Variants in ABCC8 observed in about 807,000 individuals in gnomAD.
ABCC8 encodes the protein ATP binding cassette subfamily C member 8, also known as ATP-binding cassette sub-family C member 8.
In ABCC8, 137 loss-of-function variants were observed where a neutral mutation model predicts 188.0. The ratio of observed to expected loss-of-function variants is 0.73; its 90% confidence interval spans 0.63 to 0.84. The LOEUF (loss-of-function observed/expected upper bound fraction) is 0.84, where lower values mean the gene tolerates loss of function less well. Ranked by LOEUF, ABCC8 falls within the 40% of genes least tolerant of loss-of-function variation. The pLI is 0.00. For synonymous variants in ABCC8, 797 were observed against 846.5 expected (o/e 0.94, Z 1.01); for missense variants, 1,750 against 2,072.7 (o/e 0.84, Z 3.02).
intron 22 of ABCC8, among the ~76,000 whole-genome samples, chr11:17,409,111 C>A (rs1954683807): frequency 1.5e-5 from 2 of 133,430 alleles, no homozygotes; most frequent in South Asian, 4.9e-4. Flanking sequence ...CGCCACCATA[C>A]CTGGCTAATT....
chr11:17,429,644 T>C (rs1483420532), intron 12 of ABCC8: 2 of 152,210 alleles, frequency 1.3e-5, no homozygotes, highest in East Asian at 3.9e-4. Flanking sequence ...TATGAACGCT[T>C]TGGGATCAGT....
chr11:17,475,319 G>A (rs1406001800), intron 1 of ABCC8, among the ~76,000 whole-genome samples: 1 of 152,198 alleles, frequency 6.6e-6, no homozygotes, highest in African/African-American at 2.4e-5. Flanking sequence ...CTAGGCTCAA[G>A]TGATCCTCCC....
In ABCC8 at chr11:17,404,753, C is replaced by G. The variant is rs541153357; in HGVS notation, c.3400-84G>C. On this transcript the variant is annotated intron_variant, in intron 27 of 38. Coordinates refer to ENST00000389817, the MANE Select transcript of ABCC8 (RefSeq NM_000352.6). The surrounding 1 kb of genome is among the most constrained non-coding windows in gnomAD (Gnocchi z 4.7). ...GCTACTGGCCGCCATGTTTTGCTCT[C>G]ACTTTATTTTTTGATCCTTTATTTT... 45 of 1,533,492 alleles carry G rather than the reference C, an allele frequency of 2.9e-5. 1 individual carries two copies. The South Asian group carries it at 5.3e-4, about 18-fold the overall frequency. 95.0% of individuals were successfully genotyped at this position (1,533,492 alleles called of 1,614,324 possible).
chr11:17,394,359 T>G lies in ABCC8; in HGVS notation c.4452A>C (p.Gly1484=). The part of the protein sequence containing the change: ...ITEGGENFSQ[G]QRQLFCLARA... The stretch of plus-strand genomic sequence containing the variant: ...GGGCCAGGCAGAACAGCTGCCTCTG[T>G]CCCTGGCTGAAATTCTCCCCGCCTT... The change falls in exon 37 of 39, where the codon GGA becomes GGC. Residue 1484 remains glycine (G), a synonymous_variant. Transcript: ENST00000389817. The G allele has an allele frequency of 6.2e-7, 1 of 1,614,202 alleles. No individual in the cohort carries two copies. Among genetic ancestry groups the G allele is most frequent in the Non-Finnish European group, 8.5e-7 (1 of 1,180,046 alleles).
chr11:17,472,990 T>G (rs1424814728), intron 2 of ABCC8, among the ~76,000 whole-genome samples: 1 of 152,222 alleles, frequency 6.6e-6, no homozygotes, highest in Non-Finnish European at 1.5e-5. Context: ...AACTCTTGCC[T>G]CTTTACTCCT....
intron 2 of ABCC8, among the ~76,000 whole-genome samples, chr11:17,472,319 A>G (rs1274741978): frequency 6.6e-6 from 1 of 152,234 alleles, no homozygotes; most frequent in Non-Finnish European, 1.5e-5. Flanking sequence ...AAAATATTGT[A>G]GTTATTAAAA....
intron 33 of ABCC8, 58 bp from the exon 34 acceptor site, chr11:17,395,988 C>A: frequency 6.4e-7 from 1 of 1,550,450 alleles, no homozygotes; most frequent in South Asian, 1.2e-5. Context: ...GGAATAGCCT[C>A]TATGCTAGCT....
intron 22 of ABCC8, among the ~76,000 whole-genome samples, chr11:17,409,467 A>G (rs1954705704): frequency 6.6e-6 from 1 of 152,244 alleles, no homozygotes; most frequent in African/African-American, 2.4e-5. Flanking sequence ...AGGTCACTAC[A>G]GAAACTCAGA....
chr11:17,413,675 A>T, intron 19 of ABCC8, 197 bp from the exon 20 acceptor site: 1 of 1,060,010 alleles, frequency 9.4e-7, no homozygotes, highest in Non-Finnish European at 1.4e-6. Context: ...GCGTTTGGGC[A>T]GGTTAAATAC....
Position 17,404,592 on chromosome 11 carries a change from G to A in ABCC8, c.3477C>T (p.Val1159=). Residue 1159 remains valine, a synonymous_variant, in exon 28 of 39, where the codon GTC becomes GTT. Coordinates refer to ENST00000389817, the MANE Select transcript of ABCC8 (RefSeq NM_000352.6). The surrounding 1 kb of genome is among the most constrained non-coding windows in gnomAD (Gnocchi z 4.7). ...AGAGGGCCACGAGGAACACAGGTGT[G>A]ACATAGGAGATGACGGCCAGGGCTG... ...CVSALAVISY[V]TPVFLVALLP... 1 of 1,614,094 alleles carries A rather than the reference G, an allele frequency of 6.2e-7. No homozygotes were observed. Among genetic ancestry groups the A allele is most frequent in the Non-Finnish European group, 8.5e-7 (1 of 1,180,024 alleles).
intron 12 of ABCC8, chr11:17,430,440 G>A: frequency 2.8e-6 from 1 of 358,188 alleles, no homozygotes; most frequent in Non-Finnish European, 5.4e-6. Context: ...TGATATCCAT[G>A]GGGCAGCCAC....
intron 2 of ABCC8, among the ~76,000 whole-genome samples, chr11:17,471,420 C>T (rs1224816723): frequency 6.6e-6 from 1 of 152,186 alleles, no homozygotes; most frequent in Non-Finnish European, 1.5e-5. Context: ...CTCAGTGGGT[C>T]TGGTGGGACT....
intron 36 of ABCC8, 113 bp downstream of exon 36, chr11:17,395,059 C>T: frequency 7.3e-7 from 1 of 1,373,252 alleles, no homozygotes; most frequent in Non-Finnish European, 1.0e-6. Context: ...AATGGTCCTG[C>T]CAGGCTTCAG....
chr11:17,405,355 A>T (rs1954463269), intron 27 of ABCC8, 139 bp downstream of exon 27: 6 of 1,365,552 alleles, frequency 4.4e-6, no homozygotes, highest in Non-Finnish European at 6.2e-6. Context: ...AAGCAGCATT[A>T]TAATCGGATC....
chr11:17,450,266 CTT>C (rs1956721830), intron 7 of ABCC8, among the ~76,000 whole-genome samples: 2 of 97,684 alleles, frequency 2.0e-5, no homozygotes, highest in African/African-American at 4.2e-5. Flanking sequence ...CTTTCTCTTT[CTT>C]TCTTTCTTTC....
intron 28 of ABCC8, among the ~76,000 whole-genome samples, chr11:17,403,894 A>C (rs1029065791): frequency 2.6e-5 from 4 of 152,194 alleles, no homozygotes; most frequent in Non-Finnish European, 4.4e-5. Flanking sequence ...ACGTTCTTTA[A>C]ATTTTTTCCT....
rs1003099255 is a variant in ABCC8, at chr11:17,455,534, T to C, written c.1012-2251A>G. Among the ~76,000 whole-genome samples the C allele has an allele frequency of 2.6e-5, 4 of 152,242 alleles. No homozygotes were observed. The South Asian group carries it at 6.2e-4, about 24-fold the overall frequency. ...TGTGGATTGAGAATTTTGTGACCTG[T>C]TAAAATAAAAATCTCACTGCAGCTA... On this transcript the variant is annotated intron_variant, in intron 6 of 38. Coordinates refer to ENST00000389817, the MANE Select transcript of ABCC8 (RefSeq NM_000352.6).
chr11:17,416,239 G>A (rs1023032323), intron 17 of ABCC8, among the ~76,000 whole-genome samples: 17 of 152,110 alleles, frequency 1.1e-4, no homozygotes, highest in Admixed American at 5.9e-4. Context: ...TATCTCAAGT[G>A]TTTTTTGGAG....
Position 17,439,908 on chromosome 11 carries a change from T to TTCTGGGGGC in ABCC8, c.1630+2803_1630+2811dup, listed in dbSNP as rs147998189. 7.8e-3 allele frequency among the ~76,000 whole-genome samples: 1,191 copies of TTCTGGGGGC among 152,286 alleles called. 13 individuals carry two copies. Among genetic ancestry groups the TTCTGGGGGC allele is most frequent in the African/African-American group, 0.026 (1,088 of 41,556 alleles). ...GCCCATCACAAAGCCACGGCTTGTC[T>TTCTGGGGGC]TCTGGGGGCTCTGGGGGACAATGAG... On this transcript the variant is annotated intron_variant, in intron 10 of 38. Transcript: ENST00000389817.
Sources: allele counts gnomAD v4.1 joint callset (sites outside exome capture counted in the v4.1 genomes callset), GRCh38; gene constraint gnomAD v4.1.1; non-coding constraint Gnocchi (gnomAD v3.1); transcripts MANE v1.5; gene names NCBI Gene and HGNC (gene_info 2026-07-23, HGNC 2026-07-21).